FBXO47: variants seen among roughly 807,000 people sequenced by gnomAD.
The protein encoded by FBXO47 is F-box only protein 47.
FBXO47 carries 34 observed loss-of-function variants against 53.9 expected under a neutral mutation model. That is an observed-to-expected ratio of 0.63 (90% confidence interval 0.48 to 0.84). The LOEUF is 0.84. FBXO47 is among the 40% of genes least tolerant of loss of function. The probability of loss-of-function intolerance (pLI) is 0.00; values close to 1 mark genes in which losing one functional copy is unlikely to be tolerated. For missense variants in FBXO47, 485 were observed against 541.3 expected (o/e 0.90, Z 1.03); for synonymous variants, 165 against 181.6 (o/e 0.91, Z 0.73).
At chr17:38,942,199 T>TA (rs1567714443) in intron 9 of FBXO47, among the ~76,000 whole-genome samples, 2 of 151,972 alleles carry the variant, frequency 1.3e-5, no homozygotes, top group Non-Finnish European at 2.9e-5. Context: ...AATTTTTTTT[T>TA]AAAAAGAATA....
chr17:38,944,847 C>CGTGTGTGT (rs1462853688), intron 7 of FBXO47, 113 bp downstream of exon 7: 7 of 400,470 alleles, frequency 1.7e-5, no homozygotes, highest in African/African-American at 1.3e-4. Context: ...TGCGTGCATG[C>CGTGTGTGT]ATGTGTGTGT....
chr17:38,957,694 TTTTC>T (rs1240640062), intron 3 of FBXO47, among the ~76,000 whole-genome samples: 4 of 143,026 alleles, frequency 2.8e-5, no homozygotes, highest in Admixed American at 8.1e-5. Context: ...GAAAACTGAT[TTTTC>T]TTTTTTTTTT....
intron 6 of FBXO47, among the ~76,000 whole-genome samples, chr17:38,949,054 A>G (rs1356830450): frequency 1.3e-5 from 2 of 151,992 alleles, no homozygotes; most frequent in African/African-American, 4.8e-5. Flanking sequence ...CATTTTGTTT[A>G]TCTATTGACC....
chr17:38,962,145 A>G (rs1488854639), intron 2 of FBXO47, 98 bp from the exon 3 acceptor site: 9 of 929,126 alleles, frequency 9.7e-6, no homozygotes, highest in East Asian at 5.1e-5. Flanking sequence ...CTCAATCGTC[A>G]TCATTATCAC....
At chr17:38,964,808 C>T (rs1906017001) in intron 1 of FBXO47, among the ~76,000 whole-genome samples, 1 of 152,096 alleles carries the variant, frequency 6.6e-6, no homozygotes, top group African/African-American at 2.4e-5. Flanking sequence ...TGATTATTTA[C>T]TTACACTAAA....
In FBXO47 at chr17:38,951,492, C is replaced by A. The variant is rs137992586; in HGVS notation, c.616+89G>T. 1,119 of 1,017,428 alleles carry A rather than the reference C, an allele frequency of 1.1e-3. 5 individuals are homozygous for A. The African/African-American group carries it at 0.016, about 15-fold the overall frequency. 63.0% of individuals were successfully genotyped at this position (1,017,428 alleles called of 1,614,324 possible). A position where few individuals can be genotyped will look rare whatever the true frequency, so the allele number is the denominator to read the frequency against. On this transcript the variant is annotated intron_variant, in intron 6 of 10. Coordinates refer to ENST00000378079, the MANE Select transcript of FBXO47 (RefSeq NM_001008777.3). ...TTTAGGCATGAGCCACTACACCTGG[C>A]CCAAATTACTTTTAATTACATTTTT...
intron 5 of FBXO47, among the ~76,000 whole-genome samples, chr17:38,952,390 G>C (rs541384969): frequency 1.3e-5 from 2 of 151,998 alleles, no homozygotes; most frequent in South Asian, 4.1e-4. Context: ...TTTAGCATAT[G>C]ATCAAGGTGA....
intron 1 of FBXO47, among the ~76,000 whole-genome samples, chr17:38,963,805 T>G (rs866473816): frequency 1.3e-4 from 18 of 141,328 alleles, no homozygotes; most frequent in African/African-American, 3.1e-4. Context: ...TTTTGTTGTT[T>G]TTTTTTTTTT....
Position 38,938,661 on chromosome 17 carries a change from G to A in FBXO47, c.1155C>T (p.Ser385=). ...GGAAGTTCTTTCTTTCCACTGGAGT[G>A]CTAAAGACTTTGCAGACTTTTTGCA... ...KMMQKVCKVF[S]TPVERKNFLQ... The change falls in exon 10 of 11, where the codon AGC becomes AGT. Residue 385 remains serine, a synonymous_variant. Coordinates refer to ENST00000378079, the MANE Select transcript of FBXO47 (RefSeq NM_001008777.3). The A allele has an allele frequency of 6.2e-7, 1 of 1,613,298 alleles. No homozygotes were observed. The highest frequency in any genetic ancestry group is 8.5e-7 in the Non-Finnish European group (1 of 1,179,394).
At chr17:38,957,332 T>C in intron 3 of FBXO47, 79 bp from the exon 4 acceptor site, 1 of 1,011,320 alleles carries the variant, frequency 9.9e-7, no homozygotes, top group South Asian at 1.3e-5. Flanking sequence ...TAATGTTTCC[T>C]GAAAGTCAAG....
Position 38,943,656 on chromosome 17 carries a change from G to C in FBXO47, c.874C>G (p.Leu292Val). The change falls in exon 8 of 11, where the codon CTA becomes GTA. Residue 292 changes from leucine (L) to valine (V), a missense_variant. Transcript: ENST00000378079. ...LKGLADAIKL[L>V]YDASTKEWTA... ...CACTCTTTAGTGCTAGCGTCATATAGTAACTTAATGGCATCAGCCAAACCT... is the reference window on the plus strand; with the variant it reads ...CACTCTTTAGTGCTAGCGTCATATACTAACTTAATGGCATCAGCCAAACCT... 2 of 1,610,124 alleles carry C rather than the reference G, an allele frequency of 1.2e-6. No homozygotes were observed. The highest frequency in any genetic ancestry group is 1.1e-5 in the South Asian group (1 of 90,442).
intron 6 of FBXO47, 136 bp from the exon 7 acceptor site, chr17:38,945,272 AT>A (rs1904703629): frequency 1.6e-5 from 10 of 615,030 alleles, no homozygotes; most frequent in Non-Finnish European, 2.8e-5. Flanking sequence ...TAACCAAGAG[AT>A]TATCTATTCT....
At chr17:38,946,669 T>TGA in intron 6 of FBXO47, among the ~76,000 whole-genome samples, 2 of 36,678 alleles carry the variant, frequency 5.5e-5, no homozygotes, top group African/African-American at 1.2e-4. Context: ...AATATATAAA[T>TGA]ATATATAAAT....
chr17:38,959,165 A>G (rs1011027570), intron 3 of FBXO47, among the ~76,000 whole-genome samples: 25 of 152,118 alleles, frequency 1.6e-4, no homozygotes, highest in African/African-American at 5.8e-4. Context: ...AAAAAAAACA[A>G]CCACAGGTGC....
chr17:38,946,377 TATAA>T (rs1904837460), intron 6 of FBXO47, among the ~76,000 whole-genome samples: 1 of 95,420 alleles, frequency 1.0e-5, no homozygotes, highest in African/African-American at 4.7e-5. Context: ...TAGATATATA[TATAA>T]ATATATATAT....
At chr17:38,943,888 T>G (rs1190023251) in intron 7 of FBXO47, 152 bp from the exon 8 acceptor site, 1 of 715,942 alleles carries the variant, frequency 1.4e-6, no homozygotes, top group East Asian at 3.0e-5. Context: ...ATTCTGGTAA[T>G]AGTATAGATT....
chr17:38,951,543 T>A, intron 6 of FBXO47, 38 bp downstream of exon 6: 1 of 1,415,744 alleles, frequency 7.1e-7, no homozygotes, highest in South Asian at 1.2e-5. Flanking sequence ...TTTTCTATTT[T>A]AATCTCTGTA....
rs778288328 is a variant in FBXO47, at chr17:38,962,890, C to T, written c.136G>A (p.Ala46Thr). 3 of 1,612,992 alleles carry T rather than the reference C, an allele frequency of 1.9e-6. No homozygotes were observed. Among genetic ancestry groups the T allele is most frequent in the South Asian group, 2.2e-5 (2 of 91,014 alleles). ...QPISTFGNFK[A>T]LPLEIFQIIL... ...ATCTGGAATATTTCCAATGGTAAGGCTTTAAAATTTCCAAATGTTGATATG... is the reference window on the plus strand; with the variant it reads ...ATCTGGAATATTTCCAATGGTAAGGTTTTAAAATTTCCAAATGTTGATATG... The change falls in exon 2 of 11, where the codon GCC (alanine) becomes ACC (threonine). Residue 46 changes from alanine to threonine, a missense_variant. Transcript: ENST00000378079.
chr17:38,960,095 C>T (rs1352972018), intron 3 of FBXO47, among the ~76,000 whole-genome samples: 1 of 152,058 alleles, frequency 6.6e-6, no homozygotes, highest in East Asian at 1.9e-4. Context: ...GCATGAGCCA[C>T]TGCGCCCGGC....
Sources: gnomAD v4.1 joint callset for allele counts (sites outside exome capture counted in the v4.1 genomes callset) on GRCh38, gnomAD v4.1.1 for gene constraint, MANE v1.5 for transcripts, NCBI Gene and HGNC (gene_info 2026-07-23, HGNC 2026-07-21) for gene names.